The following SKAP1 variants were observed in gnomAD, a reference collection of about 807,000 sequenced individuals.
SKAP1 encodes the protein src kinase-associated phosphoprotein 1.
Under a neutral mutation model 58.5 loss-of-function variants are expected in SKAP1, and 44 were observed. The ratio of observed to expected loss-of-function variants is 0.75; its 90% CI spans 0.59 to 0.97. SKAP1 has a LOEUF of 0.97. Ranked by LOEUF, SKAP1 falls within the 50% of genes least tolerant of loss-of-function variation. The probability of loss-of-function intolerance (pLI) is 0.00; values close to 1 mark genes in which losing one functional copy is unlikely to be tolerated. For missense variants in SKAP1, 390 were observed against 435.2 expected (o/e 0.90, Z 0.92); for synonymous variants, 127 against 149.7 (o/e 0.85, Z 1.11).
At chr17:48,353,335 T>C (rs1001331048) in intron 3 of SKAP1, among the ~76,000 whole-genome samples, 1 of 152,192 alleles carries the variant, frequency 6.6e-6, no homozygotes, top group Non-Finnish European at 1.5e-5. Flanking sequence ...TCTGGCACCA[T>C]CATGCTTTAA....
intron 4 of SKAP1, among the ~76,000 whole-genome samples, chr17:48,233,927 C>T (rs1328802859): frequency 6.6e-6 from 1 of 152,112 alleles, no homozygotes; most frequent in African/African-American, 2.4e-5. Context: ...ATCCCCCATG[C>T]TTATATGACA....
At chr17:48,164,956 C>T (rs2064116051) in intron 10 of SKAP1, among the ~76,000 whole-genome samples, 1 of 152,226 alleles carries the variant, frequency 6.6e-6, no homozygotes, top group Admixed American at 6.5e-5. Context: ...CATCATCCAA[C>T]AGACATGTAT....
chr17:48,366,855 T>A (rs1247221503), intron 2 of SKAP1, among the ~76,000 whole-genome samples: 2 of 152,206 alleles, frequency 1.3e-5, no homozygotes, highest in African/African-American at 4.8e-5. Flanking sequence ...TATGTGCACA[T>A]GTGTACGTAC....
chr17:48,250,191 C>T (rs191689856), intron 4 of SKAP1, among the ~76,000 whole-genome samples: 1 of 144,356 alleles, frequency 6.9e-6, no homozygotes, highest in South Asian at 2.3e-4. Context: ...GAGATTATAA[C>T]AGTTTGGAGT....
intron 4 of SKAP1, among the ~76,000 whole-genome samples, chr17:48,199,760 G>A (rs533166255): frequency 3.9e-5 from 6 of 152,238 alleles, no homozygotes; most frequent in African/African-American, 1.4e-4. Context: ...GAAAAGAACG[G>A]TAGTTGTGGA....
intron 3 of SKAP1, among the ~76,000 whole-genome samples, chr17:48,361,470 A>G (rs2066938639): frequency 6.6e-6 from 1 of 152,004 alleles, no homozygotes; most frequent in Non-Finnish European, 1.5e-5. Flanking sequence ...CAGCCTCCCA[A>G]AGTACTGGGA....
upstream of SKAP1, chr17:48,430,339 G>T: frequency 3.9e-6 from 1 of 257,764 alleles, no homozygotes; most frequent in Non-Finnish European, 7.2e-6. Context: ...GTGGGTGCAC[G>T]TGGCGCTCAC....
At chr17:48,397,994 A>G (rs2067443184) in intron 1 of SKAP1, among the ~76,000 whole-genome samples, 1 of 152,202 alleles carries the variant, frequency 6.6e-6, no homozygotes, top group Non-Finnish European at 1.5e-5. Flanking sequence ...CGTATAAATA[A>G]TATAGTTAAA....
At chr17:48,238,996 G>C (rs1415922928) in intron 4 of SKAP1, among the ~76,000 whole-genome samples, 1 of 152,162 alleles carries the variant, frequency 6.6e-6, no homozygotes, top group Non-Finnish European at 1.5e-5. Flanking sequence ...GTAGAGACAG[G>C]TATCTTTAGT....
chr17:48,252,528 T>C (rs2065375842), intron 4 of SKAP1, among the ~76,000 whole-genome samples: 1 of 152,176 alleles, frequency 6.6e-6, no homozygotes, highest in Non-Finnish European at 1.5e-5. Context: ...TCTAGGAAAA[T>C]CCTTAAAATG....
rs143281552 is a variant in SKAP1 at position 48,239,829 on chromosome 17, T to TGAGA, written c.281-50333_281-50330dup. 3.3e-3 allele frequency among the ~76,000 whole-genome samples: 454 copies of TGAGA among 138,802 alleles called. 2 individuals are homozygous for TGAGA. Among genetic ancestry groups the TGAGA allele is most frequent in the African/African-American group, 9.8e-3 (353 of 35,992 alleles). 91.1% of individuals were successfully genotyped at this position (138,802 alleles called of 152,430 possible). ...CCACCCCCACCAACAGTAATTAGAA[T>TGAGA]GAGAGAGAGAGAGAGAGAGACAGAG... On this transcript the variant is annotated intron_variant, in intron 4 of 12. Transcript: ENST00000336915.
At chr17:48,316,734 T>C (rs1332365048) in intron 4 of SKAP1, among the ~76,000 whole-genome samples, 2 of 152,198 alleles carry the variant, frequency 1.3e-5, no homozygotes, top group African/African-American at 4.8e-5. Flanking sequence ...TTCCACCTAA[T>C]GTTCATTTGA....
chr17:48,355,366 C>T (rs540270306), intron 3 of SKAP1, among the ~76,000 whole-genome samples: 1 of 152,266 alleles, frequency 6.6e-6, no homozygotes, highest in South Asian at 2.1e-4. Context: ...CAGCCTTGAC[C>T]TCTCAGGCTC....
chr17:48,201,949 T>C (rs1445488425), intron 4 of SKAP1, among the ~76,000 whole-genome samples: 1 of 152,252 alleles, frequency 6.6e-6, no homozygotes, highest in Admixed American at 6.5e-5. Flanking sequence ...ATTTATCTCC[T>C]GGAGAAATGG....
intron 4 of SKAP1, among the ~76,000 whole-genome samples, chr17:48,313,283 C>A (rs1019168224): frequency 2.6e-5 from 4 of 152,048 alleles, no homozygotes; most frequent in Non-Finnish European, 5.9e-5. Context: ...ACAGCCCCTT[C>A]CACTTGAGTT....
At chr17:48,245,543 A>G (rs1192578179) in intron 4 of SKAP1, among the ~76,000 whole-genome samples, 1 of 152,230 alleles carries the variant, frequency 6.6e-6, no homozygotes, top group Non-Finnish European at 1.5e-5. Context: ...GAGAAAAATG[A>G]AGACAGCACT....
chr17:48,196,241 T>A (rs1387587198), intron 4 of SKAP1, among the ~76,000 whole-genome samples: 1 of 152,222 alleles, frequency 6.6e-6, no homozygotes, highest in African/African-American at 2.4e-5. Context: ...AGATTGGGTC[T>A]TCCTATCTCA....
intron 1 of SKAP1, among the ~76,000 whole-genome samples, chr17:48,411,282 C>T (rs1273169893): frequency 6.6e-6 from 1 of 151,906 alleles, no homozygotes; most frequent in Non-Finnish European, 1.5e-5. Context: ...TACCTGTAAT[C>T]CCAGATACTC....
chr17:48,308,723 A>G lies in SKAP1; in HGVS notation c.280+37182T>C, dbSNP rs149630498. Reference sequence around the variant, plus strand: ...TTTTTCATTTTCTGTTCTGGAGAGAAGCTATTTAACCTTTGGGCAAGTTTC... The same window carrying G: ...TTTTTCATTTTCTGTTCTGGAGAGAGGCTATTTAACCTTTGGGCAAGTTTC... On this transcript the variant is annotated intron_variant, in intron 4 of 12. Transcript: ENST00000336915. 1.1e-4 allele frequency: 16 copies of G among 152,270 alleles called. 1 individual carries two copies. The highest frequency in any genetic ancestry group is 3.6e-4 in the African/African-American group (15 of 41,566). The allele number at this position is 152,270 out of a possible 1,614,324, so 9.4% of individuals were successfully genotyped here.
Sources: gnomAD v4.1 joint callset for allele counts (sites outside exome capture counted in the v4.1 genomes callset) on GRCh38, gnomAD v4.1.1 for gene constraint, MANE v1.5 for transcripts, NCBI Gene and HGNC (gene_info 2026-07-23, HGNC 2026-07-21) for gene names.